The following RANBP2 variants were observed in gnomAD, a reference collection of about 807,000 sequenced individuals.
RANBP2 encodes the protein RAN binding protein 2, also known as E3 SUMO-protein ligase RanBP2.
Under a neutral mutation model 303.6 loss-of-function variants are expected in RANBP2, and 57 were observed. The observed-to-expected ratio is 0.19, with a 90% CI of 0.15 to 0.23. RANBP2 has a LOEUF of 0.23. Among genes scored for constraint, RANBP2 ranks in the 10% least tolerant of loss-of-function variants. RANBP2 has a pLI of 1.00. For synonymous variants in RANBP2, 1,167 were observed against 1,301.5 expected (o/e 0.90, Z 2.23); for missense variants, 3,138 against 3,780.8 (o/e 0.83, Z 4.46).
At chr2:109,062,264 T>G in the RANBP2 span, among the ~76,000 whole-genome samples, 4 of 152,226 alleles carry the variant, frequency 2.6e-5, no homozygotes, top group African/African-American at 9.6e-5. Flanking sequence ...ATGTTACTCT[T>G]CCTACCAGTT....
chr2:108,910,374 G>GGC, the RANBP2 span: 1 of 1,106,714 alleles, frequency 9.0e-7, no homozygotes, highest in South Asian at 1.3e-5. Context: ...TAGCCTGTCA[G>GGC]TTCACTCGGC....
the RANBP2 span, among the ~76,000 whole-genome samples, chr2:109,009,183 C>CA: frequency 1.3e-5 from 2 of 151,456 alleles, no homozygotes; most frequent in East Asian, 3.9e-4. Context: ...ACTAAAAATA[C>CA]AAAAAAATTA....
the RANBP2 span, among the ~76,000 whole-genome samples, chr2:108,872,938 A>T: frequency 1.3e-5 from 2 of 152,152 alleles, no homozygotes; most frequent in Non-Finnish European, 2.9e-5. Flanking sequence ...TCTAAATTAA[A>T]TGTGAGAGTA....
At chr2:109,574,447 A>T in the RANBP2 span, 27 of 430,126 alleles carry the variant, frequency 6.3e-5, no homozygotes, top group African/African-American at 4.4e-4. Context: ...TATCTCTAAA[A>T]AAAAAAAAAA....
At chr2:109,528,374 G>T in the RANBP2 span, among the ~76,000 whole-genome samples, 2 of 152,200 alleles carry the variant, frequency 1.3e-5, no homozygotes, top group Admixed American at 1.3e-4. Context: ...AAGTCTAAAG[G>T]TTTGCCATTT....
chr2:108,996,065 A>G, the RANBP2 span, among the ~76,000 whole-genome samples: 1 of 152,380 alleles, frequency 6.6e-6, no homozygotes, highest in South Asian at 2.1e-4. Flanking sequence ...TTTAGCTTTC[A>G]TATCAGTTCT....
the RANBP2 span, among the ~76,000 whole-genome samples, chr2:109,249,457 TTCTC>T: frequency 6.8e-6 from 1 of 147,084 alleles, no homozygotes; most frequent in Non-Finnish European, 1.5e-5. Flanking sequence ...CTCTCTCTCT[TTCTC>T]TCTTTCTCTT....
the RANBP2 span, among the ~76,000 whole-genome samples, chr2:109,409,379 C>T: frequency 1.9e-4 from 29 of 152,218 alleles, no homozygotes; most frequent in Admixed American, 1.9e-3. Flanking sequence ...CTCCACCCTG[C>T]AGTATCAGAG....
chr2:108,732,893 G>T (rs1220830030), intron 4 of RANBP2, among the ~76,000 whole-genome samples: 2 of 152,074 alleles, frequency 1.3e-5, no homozygotes, highest in Non-Finnish European at 2.9e-5. Flanking sequence ...GCGCAATCTT[G>T]GCTCACTGCC....
chr2:109,314,076 C>G, the RANBP2 span, among the ~76,000 whole-genome samples: 1 of 152,060 alleles, frequency 6.6e-6, no homozygotes, highest in East Asian at 1.9e-4. Flanking sequence ...GCCGTGAGAC[C>G]CGGGGCAAGT....
At chr2:109,589,165 TGG>T in the RANBP2 span, among the ~76,000 whole-genome samples, 1 of 152,024 alleles carries the variant, frequency 6.6e-6, no homozygotes, top group Non-Finnish European at 1.5e-5. Context: ...TTTTTTGAGA[TGG>T]AGTCTCACTC....
the RANBP2 span, among the ~76,000 whole-genome samples, chr2:109,699,343 C>T: frequency 1.3e-5 from 2 of 151,884 alleles, no homozygotes; most frequent in South Asian, 2.1e-4. Context: ...AATGCGGGGG[C>T]TAGGGGGACT....
chr2:108,812,950 T>TA, the RANBP2 span: 2 of 1,609,134 alleles, frequency 1.2e-6, no homozygotes, highest in Non-Finnish European at 1.7e-6. Context: ...TATGATTTGA[T>TA]ATGATTGAAA....
At chr2:109,691,769 A>G in the RANBP2 span, among the ~76,000 whole-genome samples, 2 of 120,316 alleles carry the variant, frequency 1.7e-5, no homozygotes, top group Non-Finnish European at 3.4e-5. Context: ...CCCCCTGGAA[A>G]GTTCATGATC....
intron 7 of RANBP2, among the ~76,000 whole-genome samples, chr2:108,743,909 T>G (rs544982582): frequency 6.6e-5 from 10 of 152,346 alleles, no homozygotes; most frequent in South Asian, 2.1e-4. Context: ...TATTTTATTT[T>G]ATCAGTTTAT....
intron 1 of RANBP2, chr2:108,720,036 G>T (rs1477897808): frequency 6.1e-6 from 6 of 985,114 alleles, no homozygotes; most frequent in African/African-American, 1.8e-5. Context: ...CCCGGGTGCT[G>T]TATCGGCGGG....
chr2:108,933,847 G>A, the RANBP2 span, among the ~76,000 whole-genome samples: 7 of 152,024 alleles, frequency 4.6e-5, no homozygotes, highest in Admixed American at 2.6e-4. Flanking sequence ...GGCCTGAAGG[G>A]GAACTGATAG....
the RANBP2 span, among the ~76,000 whole-genome samples, chr2:109,058,573 A>C: frequency 2.0e-5 from 3 of 152,236 alleles, no homozygotes; most frequent in Non-Finnish European, 2.9e-5. Context: ...AAGCTCATCC[A>C]AAGCCTCACC....
the RANBP2 span, among the ~76,000 whole-genome samples, chr2:109,658,996 C>T: frequency 3.9e-5 from 6 of 152,114 alleles, no homozygotes; most frequent in Non-Finnish European, 7.4e-5. Flanking sequence ...ACTCAGGAGG[C>T]AGAGGCTGCA....
Sources: gnomAD v4.1 joint callset for allele counts (sites outside exome capture counted in the v4.1 genomes callset) on GRCh38, gnomAD v4.1.1 for gene constraint, MANE v1.5 for transcripts, NCBI Gene and HGNC (gene_info 2026-07-23, HGNC 2026-07-21) for gene names.